CLSTN2: variants seen among roughly 807,000 people sequenced by gnomAD.
CLSTN2 encodes calsyntenin 2.
CLSTN2 carries 48 observed loss-of-function variants against 101.2 expected under a neutral mutation model. The observed-to-expected ratio is 0.47, with a 90% CI of 0.38 to 0.60. CLSTN2 has a LOEUF of 0.60. Among genes scored for constraint, CLSTN2 ranks in the 20% least tolerant of loss-of-function variants. The pLI, the probability that CLSTN2 is intolerant of heterozygous loss-of-function variation, is 0.00. For missense variants in CLSTN2, 1,160 were observed against 1,238.2 expected, an observed-to-expected ratio of 0.94 and a Z score of 0.95; for synonymous variants, 481 against 463.6, an observed-to-expected ratio of 1.04 and a Z score of -0.48.
At chr3:140,353,373 C>G (rs2107944200) in intron 2 of CLSTN2, among the ~76,000 whole-genome samples, 1 of 152,096 alleles carries the variant, frequency 6.6e-6, no homozygotes, top group Non-Finnish European at 1.5e-5. Flanking sequence ...AAACTGGAGT[C>G]CGATGTTCCA....
intron 1 of CLSTN2, among the ~76,000 whole-genome samples, chr3:140,147,649 AG>A (rs2009800220): frequency 6.6e-6 from 1 of 152,068 alleles, no homozygotes; most frequent in African/African-American, 2.4e-5. Context: ...CTAAGAGTAT[AG>A]GCATGCTTCC....
At chr3:140,550,285 C>T (rs1361446557) in intron 10 of CLSTN2, among the ~76,000 whole-genome samples, 1 of 151,392 alleles carries the variant, frequency 6.6e-6, no homozygotes, top group Non-Finnish European at 1.5e-5. Context: ...TTAGGATGCT[C>T]ACTCTGGAGA....
At chr3:139,946,913 A>G (rs1333455382) in intron 1 of CLSTN2, among the ~76,000 whole-genome samples, 1 of 152,246 alleles carries the variant, frequency 6.6e-6, no homozygotes, top group Non-Finnish European at 1.5e-5. Flanking sequence ...TATAAGAACT[A>G]GAAGACTCAA....
At chr3:140,303,453 T>C (rs2087079543) in intron 2 of CLSTN2, among the ~76,000 whole-genome samples, 1 of 152,152 alleles carries the variant, frequency 6.6e-6, no homozygotes. Flanking sequence ...GTCATTTAGC[T>C]TCTCTCACAG....
At position 140,189,822 on chromosome 3, in the gene CLSTN2, T is replaced by C. The variant is rs1356304765; in HGVS notation, c.232+13749T>C. ...TGTTTAAAAGTTTATCTTTCCTCCATTGAATTGCACCTTGGTCAAAAATCA... is the reference window on the plus strand; with the variant it reads ...TGTTTAAAAGTTTATCTTTCCTCCACTGAATTGCACCTTGGTCAAAAATCA... On this transcript the variant is annotated intron_variant, in intron 2 of 16. Transcript: ENST00000458420. 2.6e-5 allele frequency among the ~76,000 whole-genome samples: 4 copies of C among 152,316 alleles called. No homozygotes were observed. In the East Asian group the frequency reaches 5.8e-4, roughly 22 times the overall value.
intron 5 of CLSTN2, among the ~76,000 whole-genome samples, chr3:140,440,350 C>T (rs555870561): frequency 9.9e-5 from 15 of 152,210 alleles, no homozygotes; most frequent in African/African-American, 3.1e-4. Flanking sequence ...ATAAAATACT[C>T]TTGTGAAAAT....
chr3:140,330,980 T>C (rs887432399), intron 2 of CLSTN2, among the ~76,000 whole-genome samples: 2 of 152,174 alleles, frequency 1.3e-5, no homozygotes, highest in South Asian at 4.1e-4. Context: ...TTAGGGAGAA[T>C]TGACTCACAC....
At chr3:140,001,405 C>CT (rs34708730) in intron 1 of CLSTN2, among the ~76,000 whole-genome samples, 16 of 151,892 alleles carry the variant, frequency 1.1e-4, no homozygotes, top group African/African-American at 3.9e-4. Context: ...CCTTTTAAAA[C>CT]TTTTTTTGTA....
At chr3:140,097,834 T>C (rs2008896827) in intron 1 of CLSTN2, among the ~76,000 whole-genome samples, 1 of 152,212 alleles carries the variant, frequency 6.6e-6, no homozygotes, top group African/African-American at 2.4e-5. Context: ...ATAAAGAATG[T>C]AATTATTTCC....
intron 2 of CLSTN2, among the ~76,000 whole-genome samples, chr3:140,305,481 C>T (rs2087104946): frequency 6.6e-6 from 1 of 152,152 alleles, no homozygotes; most frequent in Non-Finnish European, 1.5e-5. Context: ...TTTCCCTTTA[C>T]ATCACCTCAG....
chr3:140,034,447 G>C (rs772088798), intron 1 of CLSTN2, among the ~76,000 whole-genome samples: 3 of 152,090 alleles, frequency 2.0e-5, no homozygotes, highest in Non-Finnish European at 4.4e-5. Context: ...TGGAATCAAA[G>C]TTTGAAATGG....
intron 8 of CLSTN2, among the ~76,000 whole-genome samples, chr3:140,499,868 T>C (rs2107761747): frequency 1.3e-5 from 2 of 152,036 alleles, no homozygotes; most frequent in South Asian, 4.2e-4. Flanking sequence ...ATCGAGACCA[T>C]CCTGGCTAAC....
At chr3:140,002,146 C>T (rs4683783) in intron 1 of CLSTN2, among the ~76,000 whole-genome samples, 85,224 of 152,056 alleles carry the variant, frequency 0.56, 26,351 homozygotes, top group Non-Finnish European at 0.69. Flanking sequence ...ACCATCAAAC[C>T]GTTCTCTGTA....
chr3:140,186,781 T>C lies in CLSTN2; in HGVS notation c.232+10708T>C, dbSNP rs1029077821. On this transcript the variant is annotated intron_variant, in intron 2 of 16. Transcript: ENST00000458420. ...CCACAGTAAGTGACATCATTTGCAA[T>C]GGTTGGCTTGGGTGGCTGTGACTTC... 2.0e-5 allele frequency among the ~76,000 whole-genome samples: 3 copies of C among 152,168 alleles called. No individual in the cohort carries two copies. The East Asian group carries it at 5.8e-4, about 29-fold the overall frequency.
intron 2 of CLSTN2, among the ~76,000 whole-genome samples, chr3:140,306,731 T>A (rs1482343051): frequency 4.6e-5 from 7 of 152,134 alleles, no homozygotes. Context: ...AGCACCCACA[T>A]CATGTGGCTT....
At chr3:140,138,772 G>A (rs2009653482) in intron 1 of CLSTN2, among the ~76,000 whole-genome samples, 1 of 152,160 alleles carries the variant, frequency 6.6e-6, no homozygotes, top group African/African-American at 2.4e-5. Flanking sequence ...TAGAAAAGAG[G>A]GAGAAATGTA....
At chr3:140,040,489 C>T (rs923755097) in intron 1 of CLSTN2, among the ~76,000 whole-genome samples, 4 of 152,086 alleles carry the variant, frequency 2.6e-5, no homozygotes, top group African/African-American at 9.6e-5. Flanking sequence ...CAAGCATTCT[C>T]ATATGCCCTT....
intron 11 of CLSTN2, among the ~76,000 whole-genome samples, chr3:140,557,267 C>G (rs944640840): frequency 1.3e-5 from 2 of 152,088 alleles, no homozygotes; most frequent in African/African-American, 4.8e-5. Context: ...GAAGTGCAGT[C>G]ATGCTGCACC....
At chr3:140,387,103 A>G (rs1034281284) in intron 2 of CLSTN2, among the ~76,000 whole-genome samples, 10 of 152,212 alleles carry the variant, frequency 6.6e-5, no homozygotes, top group Admixed American at 1.3e-4. Flanking sequence ...ATGAGGAAGT[A>G]CAGATTCTTG....
Sources: gnomAD v4.1 joint callset for allele counts (sites outside exome capture counted in the v4.1 genomes callset) on GRCh38, gnomAD v4.1.1 for gene constraint, MANE v1.5 for transcripts, NCBI Gene and HGNC (gene_info 2026-07-23, HGNC 2026-07-21) for gene names.